The following TUSC3 variants were observed in gnomAD, a reference collection of about 807,000 sequenced individuals.
TUSC3 encodes the protein dolichyl-diphosphooligosaccharide--protein glycosyltransferase subunit TUSC3.
TUSC3 carries 45 observed loss-of-function variants against 44.8 expected under a neutral mutation model. The observed-to-expected ratio is 1.00, with a 90% CI of 0.79 to 1.29. The LOEUF (loss-of-function observed/expected upper bound fraction) is 1.29. TUSC3 is among the 50% of genes most tolerant of loss of function. The pLI, the probability that TUSC3 is intolerant of heterozygous loss-of-function variation, is 0.00. For missense variants in TUSC3, 519 were observed against 437.9 expected (o/e 1.19, Z -1.65); for synonymous variants, 212 against 152.9 (o/e 1.39, Z -2.85).
chr8:15,718,053 T>G (rs1275881337), intron 6 of TUSC3, among the ~76,000 whole-genome samples: 1 of 152,156 alleles, frequency 6.6e-6, no homozygotes, highest in Non-Finnish European at 1.5e-5. Flanking sequence ...ATTGATTGAT[T>G]GATTCAAAGA....
chr8:15,840,030 T>G, the TUSC3 span, among the ~76,000 whole-genome samples: 2 of 152,110 alleles, frequency 1.3e-5, no homozygotes, highest in Admixed American at 1.3e-4. Context: ...ATATACACCA[T>G]GGAATACTAT....
chr8:15,591,714 G>T (rs1015854639), intron 1 of TUSC3, among the ~76,000 whole-genome samples: 1 of 152,178 alleles, frequency 6.6e-6, no homozygotes, highest in African/African-American at 2.4e-5. Context: ...AGACACAAAA[G>T]TTCTGTGTAG....
intron 8 of TUSC3, among the ~76,000 whole-genome samples, chr8:15,744,331 C>T (rs1430817511): frequency 6.6e-6 from 1 of 152,070 alleles, no homozygotes; most frequent in Non-Finnish European, 1.5e-5. Flanking sequence ...GGAAAATGTG[C>T]TCTGAGGAGC....
chr8:15,844,998 AG>A, the TUSC3 span, among the ~76,000 whole-genome samples: 1 of 152,196 alleles, frequency 6.6e-6, no homozygotes, highest in Non-Finnish European at 1.5e-5. Flanking sequence ...AAAATACAAT[AG>A]AAACAGCAGA....
chr8:15,519,955 A>T (rs1012695144), intron 2 of TUSC3, among the ~76,000 whole-genome samples: 2 of 152,206 alleles, frequency 1.3e-5, no homozygotes, highest in African/African-American at 4.8e-5. Flanking sequence ...GGAGGGACCT[A>T]TGGATAAAAG....
At chr8:15,650,563 T>C (rs1345844122) in intron 2 of TUSC3, 134 bp from the exon 3 acceptor site, 6 of 698,090 alleles carry the variant, frequency 8.6e-6, no homozygotes, top group Non-Finnish European at 9.9e-6. Flanking sequence ...AAAAAAATAT[T>C]TTAAAAACTA....
intron 1 of TUSC3, among the ~76,000 whole-genome samples, chr8:15,472,026 TGTAA>T (rs34795822): frequency 0.13 from 19,977 of 152,094 alleles, 1,721 homozygotes; most frequent in East Asian, 0.35. Flanking sequence ...GGCTAAACTG[TGTAA>T]GTAACATAAC....
intron 6 of TUSC3, among the ~76,000 whole-genome samples, chr8:15,701,019 A>T (rs1056652975): frequency 6.6e-6 from 1 of 151,836 alleles, no homozygotes; most frequent in African/African-American, 2.4e-5. Context: ...TTTGTTTTAT[A>T]TGTGATGTCC....
rs369753796 is a variant in TUSC3 at position 15,720,201 on chromosome 8, T to TATACACACACACAC, written c.799-10464_799-10463insTACACACACACACA. Among the ~76,000 whole-genome samples, 943 of 141,548 alleles carry TATACACACACACAC rather than the reference T, an allele frequency of 6.7e-3. 3 individuals are homozygous for TATACACACACACAC. Among genetic ancestry groups the TATACACACACACAC allele is most frequent in the Non-Finnish European group, 8.9e-3 (584 of 65,708 alleles). The allele number at this position is 141,548 out of a possible 152,430, so 92.9% of individuals were successfully genotyped here. The stretch of plus-strand genomic sequence containing the variant: ...TTGTTAAATATAGTGTATATATATA[T>TATACACACACACAC]ACACACACACACACACACACACACA... On this transcript the variant is annotated intron_variant, in intron 6 of 10. Coordinates refer to ENST00000503731, the MANE Select transcript of TUSC3 (RefSeq NM_006765.4).
At chr8:15,807,977 A>C in the TUSC3 span, among the ~76,000 whole-genome samples, 2 of 115,108 alleles carry the variant, frequency 1.7e-5, no homozygotes, top group Non-Finnish European at 3.7e-5. Context: ...TGATATAACC[A>C]TGTCACATAC....
intron 2 of TUSC3, among the ~76,000 whole-genome samples, chr8:15,507,358 C>A (rs1047327032): frequency 6.6e-6 from 1 of 152,094 alleles, no homozygotes; most frequent in Non-Finnish European, 1.5e-5. Context: ...CTCATATATA[C>A]AACTTTGATC....
chr8:15,499,281 T>G (rs1368214943), intron 2 of TUSC3, among the ~76,000 whole-genome samples: 1 of 152,222 alleles, frequency 6.6e-6, no homozygotes, highest in African/African-American at 2.4e-5. Flanking sequence ...CTTATCAACA[T>G]TTACTTTTCA....
At chr8:15,828,761 T>C in the TUSC3 span, among the ~76,000 whole-genome samples, 1 of 152,332 alleles carries the variant, frequency 6.6e-6, no homozygotes, top group African/African-American at 2.4e-5. Context: ...TATTTATATC[T>C]TGGTGGAATC....
At chr8:15,418,051 G>A (rs1332513939) in intron 1 of TUSC3, among the ~76,000 whole-genome samples, 1 of 152,112 alleles carries the variant, frequency 6.6e-6, no homozygotes, top group African/African-American at 2.4e-5. Flanking sequence ...AGACAGTTAC[G>A]AGAATTTCAT....
intron 2 of TUSC3, among the ~76,000 whole-genome samples, chr8:15,649,585 A>AAAG (rs1410468558): frequency 7.7e-6 from 1 of 129,050 alleles, no homozygotes; most frequent in African/African-American, 2.8e-5. Context: ...CTCCGTCTCA[A>AAAG]AAGAAAAAAA....
At chr8:15,420,184 A>G (rs1472613681) in intron 1 of TUSC3, among the ~76,000 whole-genome samples, 2 of 152,118 alleles carry the variant, frequency 1.3e-5, no homozygotes, top group Non-Finnish European at 2.9e-5. Context: ...ATTGGCTTTT[A>G]TAAAGGTCAC....
At chr8:15,515,882 G>A (rs1282978150) in intron 2 of TUSC3, among the ~76,000 whole-genome samples, 2 of 151,954 alleles carry the variant, frequency 1.3e-5, no homozygotes, top group African/African-American at 4.8e-5. Context: ...TATTGGCCAG[G>A]CTGGTCTTGA....
chr8:15,747,047 A>G (rs1811447572), intron 8 of TUSC3, among the ~76,000 whole-genome samples: 1 of 152,050 alleles, frequency 6.6e-6, no homozygotes, highest in Admixed American at 6.6e-5. Context: ...GATGCTATTA[A>G]ATGTTTGTGT....
rs1400903240 is a variant in TUSC3, at chr8:15,694,450, A to C, written c.798+20614A>C. Among the ~76,000 whole-genome samples the C allele has an allele frequency of 4.0e-5, 6 of 151,686 alleles. No individual in the cohort carries two copies. The East Asian group carries it at 1.2e-3, about 29-fold the overall frequency. ...AAACTCCATCCAAAAAAAAAAAAAAAAAAAAAAAAAGATTGTTGGGGAACT... is the reference window on the plus strand; with the variant it reads ...AAACTCCATCCAAAAAAAAAAAAAACAAAAAAAAAAGATTGTTGGGGAACT... On this transcript the variant is annotated intron_variant, in intron 6 of 10. Coordinates refer to ENST00000503731, the MANE Select transcript of TUSC3 (RefSeq NM_006765.4).
Sources: allele counts gnomAD v4.1 joint callset (sites outside exome capture counted in the v4.1 genomes callset), GRCh38; gene constraint gnomAD v4.1.1; transcripts MANE v1.5; gene names NCBI Gene and HGNC (gene_info 2026-07-23, HGNC 2026-07-21).